RFLNA: variants seen among roughly 807,000 people sequenced by gnomAD.
RFLNA encodes the protein refilin A.
Under a neutral mutation model 7.8 loss-of-function variants are expected in RFLNA, and 5 were observed. That is an observed-to-expected ratio of 0.64 (90% confidence interval 0.34 to 1.35). RFLNA has a LOEUF of 1.35. RFLNA is among the 40% of genes most tolerant of loss of function. The pLI is 0.04. For missense variants in RFLNA, 278 were observed against 305.5 expected, an observed-to-expected ratio of 0.91 and a Z score of 0.67; for synonymous variants, 141 against 131.3, an observed-to-expected ratio of 1.07 and a Z score of -0.50.
chr12:124,311,817 G>GC lies in RFLNA; in HGVS notation c.213dup (p.Ser72LeufsTer33). 6.3e-7 allele frequency: 1 copy of GC among 1,583,062 alleles called. No individual in the cohort carries two copies. The highest frequency in any genetic ancestry group is 8.6e-7 in the Non-Finnish European group (1 of 1,165,690). On this transcript the variant is annotated frameshift_variant and splice_region_variant. Transcript: ENST00000546355. LOFTEE classifies it high-confidence loss of function. Reference sequence around the variant, plus strand: ...CCCCGTGTCCCTGGCTCTCCCCACAGCCCCCCTCCCAACTCCCAAATCCCC... The same window carrying GC: ...CCCCGTGTCCCTGGCTCTCCCCACAGCCCCCCCTCCCAACTCCCAAATCCCC...
chr12:124,305,197 AG>A (rs1395383041), intron 1 of RFLNA, among the ~76,000 whole-genome samples: 1 of 152,322 alleles, frequency 6.6e-6, no homozygotes, highest in East Asian at 1.9e-4. Flanking sequence ...ACCTCTGTCC[AG>A]GGAGGTACCT....
chr12:124,301,166 C>T (rs1414972482), intron 1 of RFLNA, among the ~76,000 whole-genome samples: 1 of 152,136 alleles, frequency 6.6e-6, no homozygotes, highest in Non-Finnish European at 1.5e-5. Context: ...GAAAGGGAGG[C>T]TGTGAGGAGG....
intron 2 of RFLNA, among the ~76,000 whole-genome samples, chr12:124,313,678 C>CAAA (rs11310797): frequency 1.4e-5 from 2 of 139,184 alleles, no homozygotes; most frequent in Non-Finnish European, 1.6e-5. Context: ...GACTCCGTCT[C>CAAA]AAAAAAAAAA....
In RFLNA at chr12:124,295,468, C is replaced by T; in HGVS notation, c.39C>T (p.Ser13=). 7.9e-7 allele frequency: 1 copy of T among 1,260,634 alleles called. No individual in the cohort carries two copies. The highest frequency in any genetic ancestry group is 1.0e-6 in the Non-Finnish European group (1 of 1,005,006). The allele number at this position is 1,260,634 out of a possible 1,614,324, so 78.1% of individuals were successfully genotyped here. Residue 13 remains serine, a synonymous_variant, in exon 1 of 3, where the codon AGC becomes AGT. Coordinates refer to ENST00000546355, the MANE Select transcript of RFLNA (RefSeq NM_001365156.1). ...GHLHLQGMED[S]LKEQGREGLL... is the part of the protein sequence containing the mutation. ...TGCATCTGCAGGGCATGGAGGACAG[C>T]CTGAAGGAGCAGGGCCGGGAGGGCT...
At chr12:124,290,439 T>A (rs1260566516), upstream of RFLNA, among the ~76,000 whole-genome samples, 1 of 152,214 alleles carries the variant, frequency 6.6e-6, no homozygotes, top group Admixed American at 6.5e-5. This position sits in a 1 kb window ranked among gnomAD's most constrained non-coding sequence, Gnocchi z 4.0. Flanking sequence ...TGTGCATACA[T>A]GTGTATGTGT....
intron 1 of RFLNA, among the ~76,000 whole-genome samples, chr12:124,308,702 C>T (rs1193572306): frequency 1.3e-5 from 2 of 152,264 alleles, no homozygotes; most frequent in African/African-American, 2.4e-5. Context: ...GGGGCAAACC[C>T]GGGACCTGCC....
At chr12:124,294,355 G>A (rs1193381909), upstream of RFLNA, among the ~76,000 whole-genome samples, 3 of 152,160 alleles carry the variant, frequency 2.0e-5, no homozygotes, top group Admixed American at 2.0e-4. Context: ...AGAATGGAAG[G>A]ATGGATCCTC....
chr12:124,294,319 T>C (rs1410502472), upstream of RFLNA, among the ~76,000 whole-genome samples: 1 of 152,170 alleles, frequency 6.6e-6, no homozygotes, highest in East Asian at 1.9e-4. Context: ...AAGCAGTCCG[T>C]GGACACCCCC....
upstream of RFLNA, among the ~76,000 whole-genome samples, chr12:124,293,055 T>C (rs574995055): frequency 1.6e-3 from 246 of 152,176 alleles, 1 homozygote; most frequent in Non-Finnish European, 2.7e-3. Context: ...TCCTGAGTAG[T>C]TGGGATTACA....
upstream of RFLNA, among the ~76,000 whole-genome samples, chr12:124,290,616 G>C (rs1164157982): frequency 6.6e-6 from 1 of 152,158 alleles, no homozygotes; most frequent in African/African-American, 2.4e-5. This position sits in a 1 kb window ranked among gnomAD's most constrained non-coding sequence, Gnocchi z 4.0. Context: ...ATGTGTTTAT[G>C]TGCATGCATA....
Position 124,314,443 on chromosome 12 carries a change from C to T in RFLNA, c.569C>T (p.Pro190Leu), listed in dbSNP as rs2135697111. The T allele has an allele frequency of 1.9e-6, 3 of 1,602,464 alleles. No individual in the cohort carries two copies. The highest frequency in any genetic ancestry group is 1.1e-5 in the South Asian group (1 of 91,074). The change falls in exon 3 of 3, where the codon CCC becomes CTC. Residue 190 changes from proline to leucine, a missense_variant. Pro to Leu is a moderately conservative substitution (Grantham distance 98, BLOSUM62 -3). Transcript: ENST00000546355. ...ACCCTGCACTGCAGCCTGGGCCGGC[C>T]CAGCCGCTGGTTCACCGCCAGCGTG... Reference protein sequence around the residue: ...RTTLHCSLGRPSRWFTASVQL... With the variant: ...RTTLHCSLGRLSRWFTASVQL...
At chr12:124,302,367 G>A (rs1046732841) in intron 1 of RFLNA, among the ~76,000 whole-genome samples, 1 of 152,160 alleles carries the variant, frequency 6.6e-6, no homozygotes, top group African/African-American at 2.4e-5. Flanking sequence ...CCGTTTCTCT[G>A]CCTTGGGTGT....
intron 1 of RFLNA, among the ~76,000 whole-genome samples, chr12:124,296,114 T>C (rs867435884): frequency 2.8e-4 from 1 of 3,598 alleles, no homozygotes; most frequent in African/African-American, 2.9e-4. Flanking sequence ...CTTTCTTTCT[T>C]TCTTTCTTTC....
chr12:124,295,504 C>T lies in RFLNA; in HGVS notation c.75C>T (p.Ser25=). Residue 25 remains serine (S), a synonymous_variant, in exon 1 of 3, where the codon AGC becomes AGT. Transcript: ENST00000546355. ...KEQGREGLLD[S]PDSGLPPSPS... ...AGGGCCGGGAGGGCTTGCTGGACAG[C>T]CCCGACTCCGGGCTGCCCCCCAGCC... The T allele has an allele frequency of 7.8e-7, 1 of 1,277,724 alleles. No homozygotes were observed. The highest frequency in any genetic ancestry group is 2.7e-5 in the South Asian group (1 of 36,430). The allele number at this position is 1,277,724 out of a possible 1,614,324, so 79.1% of individuals were successfully genotyped here. A position where few individuals can be genotyped will look rare whatever the true frequency, so the allele number is the denominator to read the frequency against.
intron 1 of RFLNA, among the ~76,000 whole-genome samples, chr12:124,301,478 T>C (rs1195057850): frequency 6.6e-6 from 1 of 152,198 alleles, no homozygotes; most frequent in East Asian, 1.9e-4. Context: ...TGGTCTGTCC[T>C]GTCTGCCCTC....
chr12:124,314,156 C>T, intron 2 of RFLNA, 36 bp from the exon 3 acceptor site: 3 of 1,586,386 alleles, frequency 1.9e-6, no homozygotes, highest in South Asian at 1.2e-5. Context: ...TGCCCCCAAT[C>T]CTGGGTTCAC....
intron 1 of RFLNA, among the ~76,000 whole-genome samples, chr12:124,299,186 G>A (rs375323395): frequency 2.0e-5 from 3 of 152,272 alleles, no homozygotes; most frequent in East Asian, 1.9e-4. Flanking sequence ...GAGGGTGCCC[G>A]TGCGGGACGC....
At position 124,314,794 on chromosome 12, in the gene RFLNA, G is replaced by C; in HGVS notation, c.*269G>C. The C allele has an allele frequency of 1.5e-6, 1 of 671,504 alleles. No homozygotes were observed. Among genetic ancestry groups the C allele is most frequent in the Non-Finnish European group, 2.7e-6 (1 of 368,950 alleles). The allele number at this position is 671,504 out of a possible 1,614,324, so 41.6% of individuals were successfully genotyped here. Reference sequence around the variant, plus strand: ...TGGCAAGGCGGTAGGGGCATGCACTGTTAGGTGGTGGCCACCCCCAGGGTC... The same window carrying C: ...TGGCAAGGCGGTAGGGGCATGCACTCTTAGGTGGTGGCCACCCCCAGGGTC... On this transcript the variant is annotated 3_prime_UTR_variant, in exon 3 of 3. Transcript: ENST00000546355.
At chr12:124,296,143 TCTCTTCTCTTCTCTTCTC>T (rs1566320214) in intron 1 of RFLNA, among the ~76,000 whole-genome samples, 49 of 3,772 alleles carry the variant, frequency 0.013, 5 homozygotes, top group Middle Eastern at 0.083. Flanking sequence ...TCTCTCTTCT[TCTCTTCTCTTCTCTTCTC>T]TTCTCTTCTC....
Sources: allele counts gnomAD v4.1 joint callset (sites outside exome capture counted in the v4.1 genomes callset), GRCh38; gene constraint gnomAD v4.1.1; non-coding constraint Gnocchi (gnomAD v3.1); transcripts MANE v1.5; gene names NCBI Gene and HGNC (gene_info 2026-07-23, HGNC 2026-07-21).